GUCA1C: variants seen among roughly 807,000 people sequenced by gnomAD.
The protein encoded by GUCA1C is guanylate cyclase activator 1C, also known as guanylyl cyclase-activating protein 3.
A neutral mutation model predicts 16.2 loss-of-function variants in GUCA1C; 15 were observed. The observed-to-expected ratio is 0.93, with a 90% CI of 0.62 to 1.43. The LOEUF (loss-of-function observed/expected upper bound fraction) is 1.43. Ranked by LOEUF, GUCA1C falls within the 40% of genes most tolerant of loss-of-function variation. GUCA1C has a pLI of 0.00. For missense variants in GUCA1C, 275 were observed against 244.8 expected (o/e 1.12, Z -0.82); for synonymous variants, 78 against 85.4 (o/e 0.91, Z 0.48).
intron 1 of GUCA1C, 68 bp from the exon 2 acceptor site, chr3:108,920,653 CAGCATTCGTG>C: frequency 1.1e-6 from 1 of 895,742 alleles, no homozygotes; most frequent in Non-Finnish European, 1.7e-6. Context: ...TTTGAGAACT[CAGCATTCGTG>C]AGCAGGGCCT....
At chr3:108,948,203 G>A (rs1037137680) in intron 1 of GUCA1C, among the ~76,000 whole-genome samples, 2 of 150,716 alleles carry the variant, frequency 1.3e-5, no homozygotes, top group Non-Finnish European at 2.9e-5. Context: ...GTTGGGAGAG[G>A]GACCTGGTGG....
At chr3:108,910,871 C>T (rs1364285823) in intron 3 of GUCA1C, among the ~76,000 whole-genome samples, 1 of 151,958 alleles carries the variant, frequency 6.6e-6, no homozygotes, top group African/African-American at 2.4e-5. Flanking sequence ...AGGATGGTCT[C>T]GATCTCCTGA....
chr3:108,922,154 TACACAAAC>T (rs1435986278), intron 1 of GUCA1C, among the ~76,000 whole-genome samples: 3 of 91,196 alleles, frequency 3.3e-5, no homozygotes, highest in East Asian at 2.5e-4. Flanking sequence ...CACACACACA[TACACAAAC>T]ACACACACAC....
At chr3:108,946,787 G>A (rs1200033423) in intron 1 of GUCA1C, among the ~76,000 whole-genome samples, 1 of 148,122 alleles carries the variant, frequency 6.8e-6, no homozygotes, top group Non-Finnish European at 1.5e-5. Context: ...AAAGGAAGAA[G>A]ACGATTAGAG....
chr3:108,953,512 G>T, intron 1 of GUCA1C, 47 bp downstream of exon 1: 1 of 1,245,244 alleles, frequency 8.0e-7, no homozygotes, highest in Non-Finnish European at 1.2e-6. Flanking sequence ...AGGGAAGAGT[G>T]CAGAACCACA....
At chr3:108,945,577 T>A (rs1946836200) in intron 1 of GUCA1C, among the ~76,000 whole-genome samples, 1 of 152,198 alleles carries the variant, frequency 6.6e-6, no homozygotes. Context: ...CAGAGACAGA[T>A]CTTAATTTTG....
intron 1 of GUCA1C, among the ~76,000 whole-genome samples, chr3:108,931,501 T>C (rs1946665200): frequency 6.6e-6 from 1 of 152,272 alleles, no homozygotes; most frequent in African/African-American, 2.4e-5. Flanking sequence ...TGTGTTTTCA[T>C]TTCAGTATTC....
intron 3 of GUCA1C, among the ~76,000 whole-genome samples, chr3:108,912,302 C>T (rs1291936546): frequency 1.3e-5 from 2 of 151,700 alleles, no homozygotes; most frequent in Non-Finnish European, 2.9e-5. Context: ...AGAATGATGC[C>T]TAAATAGAGC....
chr3:108,932,924 CAA>C (rs57918246), intron 1 of GUCA1C, among the ~76,000 whole-genome samples: 14 of 68,658 alleles, frequency 2.0e-4, no homozygotes, highest in South Asian at 1.1e-3. Context: ...AAAAAAATCT[CAA>C]AAAAAAAAAA....
intron 1 of GUCA1C, among the ~76,000 whole-genome samples, chr3:108,939,740 T>C (rs530882407): frequency 9.9e-5 from 15 of 152,116 alleles, no homozygotes; most frequent in Admixed American, 3.3e-4. Flanking sequence ...ATGGCACACA[T>C]ATAGACGGCC....
chr3:108,913,271 T>G (rs1212172634), intron 3 of GUCA1C, among the ~76,000 whole-genome samples: 2 of 151,628 alleles, frequency 1.3e-5, no homozygotes, highest in African/African-American at 4.8e-5. Context: ...TCAACAGCAT[T>G]TTGGTATACT....
rs1399103624 is a variant in GUCA1C at position 108,916,168 on chromosome 3, A to C, written c.401T>G (p.Phe134Cys). 2.5e-6 allele frequency: 4 copies of C among 1,613,498 alleles called. No homozygotes were observed. The highest frequency in any genetic ancestry group is 3.4e-6 in the Non-Finnish European group (4 of 1,179,572). ...NGQQTLSPEE[F>C]INLVFHKIDI... ...GATCTTATGGAACACCAAGTTGATG[A>C]ATTCTTCAGGACTCAGAGTTTGCTG... Residue 134 changes from phenylalanine to cysteine, a missense_variant, in exon 3 of 4, where the codon TTC becomes TGC. Coordinates refer to ENST00000261047, the MANE Select transcript of GUCA1C (RefSeq NM_005459.4).
intron 1 of GUCA1C, among the ~76,000 whole-genome samples, chr3:108,943,237 T>G (rs2593918): frequency 0.73 from 110,849 of 151,666 alleles, 41,165 homozygotes; most frequent in Non-Finnish European, 0.78. Context: ...CGAGGGGGAG[T>G]GGGGGCGCTG....
intron 1 of GUCA1C, among the ~76,000 whole-genome samples, chr3:108,952,780 A>G (rs1946907475): frequency 6.6e-6 from 1 of 152,124 alleles, no homozygotes; most frequent in African/African-American, 2.4e-5. Flanking sequence ...TGAAATATAC[A>G]AATCTACAGT....
rs6791441 is a variant in GUCA1C at position 108,920,423 on chromosome 3, C to T, written c.354+13G>A. 516,796 of 1,590,410 alleles carry T rather than the reference C, an allele frequency of 0.32. 86,358 individuals are homozygous for T. Among genetic ancestry groups the T allele is most frequent in the African/African-American group, 0.4 (29,464 of 74,324 alleles). ...ATAGCGGCCTGAAAAGGATACTTTA[C>T]TACTTCACTTACCATGAACATGTCC... is the stretch of plus-strand genomic sequence containing the variant. On this transcript the variant is annotated intron_variant, in intron 2 of 3. Coordinates refer to ENST00000261047, the MANE Select transcript of GUCA1C (RefSeq NM_005459.4).
chr3:108,943,804 G>A (rs1438335441), intron 1 of GUCA1C, among the ~76,000 whole-genome samples: 1 of 152,046 alleles, frequency 6.6e-6, no homozygotes, highest in East Asian at 1.9e-4. Context: ...AGTCCCCAAA[G>A]TCCATTGTAT....
At chr3:108,927,432 C>CTTTTTT (rs55930777) in intron 1 of GUCA1C, among the ~76,000 whole-genome samples, 4 of 128,252 alleles carry the variant, frequency 3.1e-5, no homozygotes, top group African/African-American at 5.9e-5. Flanking sequence ...TTTTTTAATT[C>CTTTTTT]TTTTTTTTTT....
chr3:108,931,530 G>A (rs1482315584), intron 1 of GUCA1C, among the ~76,000 whole-genome samples: 2 of 152,216 alleles, frequency 1.3e-5, no homozygotes, highest in South Asian at 2.1e-4. Context: ...ACCCAGGCAA[G>A]TTAATCTTTA....
At chr3:108,920,347 C>T (rs1290042321) in intron 2 of GUCA1C, 89 bp downstream of exon 2, 1 of 926,608 alleles carries the variant, frequency 1.1e-6, no homozygotes, top group African/African-American at 1.7e-5. Context: ...AATAGCCAAC[C>T]CCATAGACAG....
Sources: gnomAD v4.1 joint callset for allele counts (sites outside exome capture counted in the v4.1 genomes callset) on GRCh38, gnomAD v4.1.1 for gene constraint, MANE v1.5 for transcripts, NCBI Gene and HGNC (gene_info 2026-07-23, HGNC 2026-07-21) for gene names.